YEATS4: variants seen among roughly 807,000 people sequenced by gnomAD.
YEATS4 encodes YEATS domain containing 4.
YEATS4 carries 17 observed loss-of-function variants against 30.1 expected under a neutral mutation model. That is an observed-to-expected ratio of 0.56 (90% CI 0.39 to 0.85). YEATS4 has a LOEUF of 0.85. Ranked by LOEUF, YEATS4 falls within the 40% of genes least tolerant of loss-of-function variation. The pLI is 0.00. For synonymous variants in YEATS4, 85 were observed against 87.5 expected (o/e 0.97, Z 0.16); for missense variants, 142 against 268.3 (o/e 0.53, Z 3.29).
the YEATS4 span, among the ~76,000 whole-genome samples, chr12:69,406,269 C>T: frequency 6.6e-6 from 1 of 152,164 alleles, no homozygotes; most frequent in Non-Finnish European, 1.5e-5. Context: ...TTTCTGTACA[C>T]CCTGACCAAC....
chr12:69,386,220 C>G (rs1422352311), intron 6 of YEATS4, among the ~76,000 whole-genome samples: 1 of 152,092 alleles, frequency 6.6e-6, no homozygotes, highest in Non-Finnish European at 1.5e-5. Flanking sequence ...CATCTAGTGC[C>G]CTTCGCAGTC....
At chr12:69,417,550 G>A in the YEATS4 span, among the ~76,000 whole-genome samples, 3 of 152,126 alleles carry the variant, frequency 2.0e-5, no homozygotes, top group Non-Finnish European at 4.4e-5. Context: ...ACATAAGGCT[G>A]CCTTGGTAGG....
the YEATS4 span, among the ~76,000 whole-genome samples, chr12:69,407,702 CTTTTTTTTTTTTT>C: frequency 8.9e-3 from 555 of 62,662 alleles, 3 homozygotes; most frequent in African/African-American, 0.037. Flanking sequence ...TACTTTTTGT[CTTTTTTTTTTTTT>C]TTTTTTTTTT....
chr12:69,399,309 C>T, the YEATS4 span, among the ~76,000 whole-genome samples: 1 of 151,572 alleles, frequency 6.6e-6, no homozygotes, highest in African/African-American at 2.4e-5. Flanking sequence ...ACTCTTACAA[C>T]TCAACAATAA....
At chr12:69,399,301 T>A in the YEATS4 span, among the ~76,000 whole-genome samples, 2 of 151,420 alleles carry the variant, frequency 1.3e-5, no homozygotes, top group Non-Finnish European at 1.5e-5. Flanking sequence ...TATAAAGAAC[T>A]CTTACAACTC....
At chr12:69,387,120 G>A (rs1868261595) in intron 6 of YEATS4, among the ~76,000 whole-genome samples, 1 of 152,064 alleles carries the variant, frequency 6.6e-6, no homozygotes, top group South Asian at 2.1e-4. Context: ...ACTGTATAAA[G>A]CTGTATATAG....
chr12:69,417,149 TAA>T, the YEATS4 span, among the ~76,000 whole-genome samples: 45 of 129,294 alleles, frequency 3.5e-4, 1 homozygote, highest in East Asian at 9.5e-3. Context: ...AAACATTTTT[TAA>T]AAATTTTTTT....
chr12:69,391,234 C>T (rs1284826515), downstream of YEATS4, among the ~76,000 whole-genome samples: 1 of 150,372 alleles, frequency 6.7e-6, no homozygotes, highest in Non-Finnish European at 1.5e-5. Flanking sequence ...GCAGAGGTTG[C>T]AATGAGCTGA....
intron 6 of YEATS4, among the ~76,000 whole-genome samples, chr12:69,389,449 T>TC (rs1243196180): frequency 5.1e-5 from 4 of 78,452 alleles, no homozygotes; most frequent in African/African-American, 2.3e-4. Flanking sequence ...AGACTCCATC[T>TC]CAAAAAAAAA....
intron 6 of YEATS4, among the ~76,000 whole-genome samples, chr12:69,375,763 G>A (rs978437317): frequency 2.7e-4 from 41 of 152,252 alleles, no homozygotes; most frequent in East Asian, 2.3e-3. Flanking sequence ...CTGGTGAGGC[G>A]TGGTGGTGCG....
rs184546713 is a variant in YEATS4, at chr12:69,363,239, C to T, written c.171+332C>T. 9.6e-3 allele frequency among the ~76,000 whole-genome samples: 1,453 copies of T among 151,752 alleles called. 10 individuals carry two copies. The highest frequency in any genetic ancestry group is 0.032 in the South Asian group (155 of 4,804). ...CAATCTCCTGACCTCGTGATCCACC[C>T]GCCTCGGCCTCCCAAAGTGCTGGGA... is the stretch of plus-strand genomic sequence containing the variant. On this transcript the variant is annotated intron_variant, in intron 2 of 6. Coordinates refer to ENST00000247843, the MANE Select transcript of YEATS4 (RefSeq NM_006530.4).
chr12:69,362,994 T>A lies in YEATS4; in HGVS notation c.171+87T>A, dbSNP rs1327173206. 1.7e-5 allele frequency: 21 copies of A among 1,245,412 alleles called. 1 individual carries two copies. The highest frequency in any genetic ancestry group is 1.2e-4 in the African/African-American group (7 of 58,368). 77.1% of individuals were successfully genotyped at this position (1,245,412 alleles called of 1,614,324 possible). ...AAGACAACCTGTAGTTTTTTTTTTT[T>A]TTTTTTTTTTTTTTTTGAGATGGAG... On this transcript the variant is annotated intron_variant, in intron 2 of 6. Transcript: ENST00000247843.
downstream of YEATS4, among the ~76,000 whole-genome samples, chr12:69,394,617 GTGTT>G (rs60206769): frequency 0.016 from 2,492 of 151,416 alleles, 60 homozygotes; most frequent in African/African-American, 0.02. Context: ...TGGAGATAGT[GTGTT>G]TGTTTGTTTG....
At chr12:69,368,153 C>G (rs1346005913) in intron 4 of YEATS4, among the ~76,000 whole-genome samples, 1 of 151,998 alleles carries the variant, frequency 6.6e-6, no homozygotes, top group South Asian at 2.1e-4. Flanking sequence ...TGTACTTTTT[C>G]AATAGTTAGC....
intron 6 of YEATS4, among the ~76,000 whole-genome samples, chr12:69,383,596 TGAAAAAAGTGTATCAG>T (rs1260482216): frequency 1.3e-5 from 2 of 151,830 alleles, no homozygotes; most frequent in Non-Finnish European, 2.9e-5. Flanking sequence ...CACAGGCAAG[TGAAAAAAGTGTATCAG>T]GAACTAGAGA....
the YEATS4 span, among the ~76,000 whole-genome samples, chr12:69,413,834 A>G: frequency 6.6e-5 from 10 of 150,406 alleles, no homozygotes; most frequent in Admixed American, 1.3e-4. Flanking sequence ...CCTGGAAAAC[A>G]GAGCAAGACT....
At chr12:69,366,382 T>TA (rs11383864) in intron 4 of YEATS4, among the ~76,000 whole-genome samples, 59,680 of 150,144 alleles carry the variant, frequency 0.4, 12,080 homozygotes, top group Non-Finnish European at 0.46. Flanking sequence ...CTTGATAATG[T>TA]AAAAAAAAAA....
the YEATS4 span, among the ~76,000 whole-genome samples, chr12:69,425,400 C>G: frequency 3.3e-5 from 5 of 152,152 alleles, no homozygotes; most frequent in African/African-American, 1.2e-4. Context: ...CAATCGTGAG[C>G]TTTTTCATGA....
intron 6 of YEATS4, among the ~76,000 whole-genome samples, chr12:69,377,563 A>G (rs1435924584): frequency 6.6e-6 from 1 of 151,970 alleles, no homozygotes; most frequent in East Asian, 1.9e-4. Context: ...ACCTGACCCA[A>G]TTTTTCAATT....
Sources: gnomAD v4.1 joint callset for allele counts (sites outside exome capture counted in the v4.1 genomes callset) on GRCh38, gnomAD v4.1.1 for gene constraint, MANE v1.5 for transcripts, NCBI Gene and HGNC (gene_info 2026-07-23, HGNC 2026-07-21) for gene names.